Variants in RYR3 observed in about 807,000 individuals in gnomAD.
RYR3 encodes the protein brain ryanodine receptor-calcium release channel.
Under a neutral mutation model 584.3 loss-of-function variants are expected in RYR3, and 207 were observed. The observed-to-expected ratio is 0.35, with a 90% CI of 0.32 to 0.40. The LOEUF (loss-of-function observed/expected upper bound fraction) is 0.40. Among genes scored for constraint, RYR3 ranks in the 10% least tolerant of loss-of-function variants. RYR3 has a pLI of 1.00. For synonymous variants in RYR3, 2,416 were observed against 2,248.5 expected, an observed-to-expected ratio of 1.07 and a Z score of -2.11; for missense variants, 5,616 against 6,089.2, an observed-to-expected ratio of 0.92 and a Z score of 2.59.
intron 10 of RYR3, among the ~76,000 whole-genome samples, chr15:33,560,671 A>G (rs1301925333): frequency 6.6e-6 from 1 of 152,188 alleles, no homozygotes; most frequent in Non-Finnish European, 1.5e-5. Context: ...GCATCTTTTC[A>G]GTCCTGTTAC....
intron 1 of RYR3, among the ~76,000 whole-genome samples, chr15:33,367,192 A>G (rs1309513526): frequency 1.3e-5 from 2 of 152,230 alleles, no homozygotes; most frequent in African/African-American, 4.8e-5. Flanking sequence ...CATGTAGTTT[A>G]TTACCAGATG....
intron 19 of RYR3, among the ~76,000 whole-genome samples, chr15:33,616,898 G>A (rs2060478777): frequency 6.6e-6 from 1 of 152,170 alleles, no homozygotes; most frequent in South Asian, 2.1e-4. Context: ...CTTGGTCAGG[G>A]TCAGTGCAGG....
chr15:33,518,505 G>A (rs1192508013), intron 3 of RYR3, among the ~76,000 whole-genome samples: 5 of 151,768 alleles, frequency 3.3e-5, no homozygotes, highest in African/African-American at 7.3e-5. Flanking sequence ...CTTTTAATAC[G>A]CCTTCTTTCT....
intron 1 of RYR3, among the ~76,000 whole-genome samples, chr15:33,404,835 T>A (rs1172297917): frequency 6.6e-6 from 1 of 152,218 alleles, no homozygotes; most frequent in Non-Finnish European, 1.5e-5. Flanking sequence ...AACTTTTATT[T>A]TAAAAATTTG....
chr15:33,609,222 G>A (rs1306555583), intron 18 of RYR3, among the ~76,000 whole-genome samples: 1 of 152,252 alleles, frequency 6.6e-6, no homozygotes, highest in Non-Finnish European at 1.5e-5. Flanking sequence ...ATTGTCCAGT[G>A]TAGCATTTCA....
At position 33,786,076 on chromosome 15, in the gene RYR3, C is replaced by T. The variant is rs2074689139; in HGVS notation, c.9589+94C>T. On this transcript the variant is annotated intron_variant, in intron 66 of 103. Transcript: ENST00000634891. ...TTATTAATTCCAAGATGGTTTTGCA[C>T]AAGCTCTATTCTATATTTAAACCTC... 8.8e-6 allele frequency: 10 copies of T among 1,131,028 alleles called. No individual in the cohort carries two copies. The East Asian group carries it at 2.4e-4, about 27-fold the overall frequency. 70.1% of individuals were successfully genotyped at this position (1,131,028 alleles called of 1,614,324 possible). A position where few individuals can be genotyped will look rare whatever the true frequency, so the allele number is the denominator to read the frequency against.
chr15:33,615,495 A>G (rs1431499650), intron 19 of RYR3, among the ~76,000 whole-genome samples: 2 of 152,240 alleles, frequency 1.3e-5, no homozygotes, highest in East Asian at 1.9e-4. Flanking sequence ...ATACACAAGC[A>G]TATTTACAAA....
intron 64 of RYR3, among the ~76,000 whole-genome samples, chr15:33,779,184 A>G (rs2074224840): frequency 6.6e-6 from 1 of 151,482 alleles, no homozygotes. Context: ...TTGTGCAGTC[A>G]TTTTTCTTCA....
intron 85 of RYR3, 24 bp downstream of exon 85, chr15:33,827,311 T>C (rs1324812474): frequency 3.2e-6 from 5 of 1,540,106 alleles, no homozygotes; most frequent in Non-Finnish European, 4.4e-6. Flanking sequence ...CCTTGGACAA[T>C]GGGACCTCTC....
intron 2 of RYR3, among the ~76,000 whole-genome samples, chr15:33,488,777 G>T (rs571787256): frequency 1.3e-5 from 2 of 152,238 alleles, no homozygotes; most frequent in South Asian, 2.1e-4. Flanking sequence ...CTTGAACCCA[G>T]GAGGCGGGGG....
At chr15:33,855,512 T>C (rs925739554) in intron 98 of RYR3, among the ~76,000 whole-genome samples, 2 of 152,156 alleles carry the variant, frequency 1.3e-5, no homozygotes, top group Non-Finnish European at 2.9e-5. Flanking sequence ...CCGGAGATCT[T>C]TTTAAGGTCT....
intron 38 of RYR3, among the ~76,000 whole-genome samples, chr15:33,692,640 T>G (rs2065520820): frequency 6.9e-6 from 1 of 144,632 alleles, no homozygotes; most frequent in African/African-American, 2.5e-5. Context: ...TTTTTTTAAC[T>G]GTACTTCAGC....
At chr15:33,570,542 A>G (rs2057970619) in intron 12 of RYR3, among the ~76,000 whole-genome samples, 1 of 152,116 alleles carries the variant, frequency 6.6e-6, no homozygotes, top group Admixed American at 6.5e-5. Flanking sequence ...ACTTCTTTGC[A>G]AAATTTATTT....
intron 23 of RYR3, among the ~76,000 whole-genome samples, chr15:33,632,196 T>C (rs865813271): frequency 2.6e-5 from 4 of 152,266 alleles, no homozygotes; most frequent in African/African-American, 9.6e-5. Flanking sequence ...CTGTGGTTCA[T>C]CACTGTTGGA....
chr15:33,708,861 C>A (rs545697055), intron 43 of RYR3, among the ~76,000 whole-genome samples: 1 of 152,232 alleles, frequency 6.6e-6, no homozygotes, highest in African/African-American at 2.4e-5. Flanking sequence ...GTGTCGTTCC[C>A]CTATTGGCTA....
chr15:33,800,803 T>G lies in RYR3; in HGVS notation c.9864T>G (p.Ser3288=), dbSNP rs1215688042. The change falls in exon 68 of 104, where the codon TCT becomes TCG. Residue 3288 remains serine, a synonymous_variant. Coordinates refer to ENST00000634891, the MANE Select transcript of RYR3 (RefSeq NM_001036.6). Reference sequence around the variant, plus strand: ...GGCTGAAAAGTCCTGATGCTGATTCTGACCAGCTCTTCCGCATGGTGGCAG... The same window carrying G: ...GGCTGAAAAGTCCTGATGCTGATTCGGACCAGCTCTTCCGCATGGTGGCAG... ...SNWLKSPDAD[S]DQLFRMVAEV... is the part of the protein sequence containing the mutation. 6.2e-7 allele frequency: 1 copy of G among 1,613,906 alleles called. No individual in the cohort carries two copies.
intron 75 of RYR3, among the ~76,000 whole-genome samples, chr15:33,817,634 T>G (rs1199124255): frequency 6.6e-6 from 1 of 152,228 alleles, no homozygotes; most frequent in Non-Finnish European, 1.5e-5. Context: ...GTCTTTCACT[T>G]TCTATCTTTC....
intron 43 of RYR3, among the ~76,000 whole-genome samples, chr15:33,712,084 A>G (rs1016900910): frequency 6.6e-6 from 1 of 152,152 alleles, no homozygotes; most frequent in African/African-American, 2.4e-5. Flanking sequence ...GGAGCTTTCA[A>G]TTGTGGCAGA....
chr15:33,634,066 T>A (rs1368178218), intron 24 of RYR3, among the ~76,000 whole-genome samples: 2 of 152,142 alleles, frequency 1.3e-5, no homozygotes, highest in African/African-American at 4.8e-5. Context: ...TTTGTTTTTT[T>A]AATGAGACAG....
Sources: gnomAD v4.1 joint callset for allele counts (sites outside exome capture counted in the v4.1 genomes callset) on GRCh38, gnomAD v4.1.1 for gene constraint, MANE v1.5 for transcripts, NCBI Gene and HGNC (gene_info 2026-07-23, HGNC 2026-07-21) for gene names.